The following LPP variants were observed in gnomAD, a reference collection of about 807,000 sequenced individuals.
LPP encodes the protein lipoma-preferred partner.
LPP carries 38 observed loss-of-function variants against 60.4 expected under a neutral mutation model. The observed-to-expected ratio is 0.63, with a 90% CI of 0.49 to 0.83. The LOEUF (loss-of-function observed/expected upper bound fraction) is 0.83. Among genes scored for constraint, LPP ranks in the 40% least tolerant of loss-of-function variants. The probability of loss-of-function intolerance (pLI) is 0.00; values close to 1 mark genes in which losing one functional copy is unlikely to be tolerated. For missense variants in LPP, 902 were observed against 783.6 expected (o/e 1.15, Z -1.80); for synonymous variants, 328 against 290.8 (o/e 1.13, Z -1.30).
intron 7 of LPP, among the ~76,000 whole-genome samples, chr3:188,618,253 T>C (rs1845213497): frequency 6.6e-6 from 1 of 152,246 alleles, no homozygotes; most frequent in African/African-American, 2.4e-5. Context: ...TGTTTCATCT[T>C]TGGACTTCAG....
At position 188,666,925 on chromosome 3, in the gene LPP, A is replaced by G. The variant is rs116697769; in HGVS notation, c.1114-41342A>G. On this transcript the variant is annotated intron_variant, in intron 7 of 11. Coordinates refer to ENST00000617246, the MANE Select transcript of LPP (RefSeq NM_001375462.1). ...ACCTTACCTTAGAGGAGGCCACTAT[A>G]TAGTGGATATATAATAGTGTTTGTA... 4.8e-3 allele frequency among the ~76,000 whole-genome samples: 725 copies of G among 152,334 alleles called. 3 individuals carry two copies. Among genetic ancestry groups the G allele is most frequent in the Non-Finnish European group, 7.6e-3 (516 of 68,030 alleles).
chr3:188,375,148 G>C (rs941048007), intron 3 of LPP, among the ~76,000 whole-genome samples: 2 of 152,158 alleles, frequency 1.3e-5, no homozygotes, highest in Admixed American at 6.5e-5. Context: ...TGTTCATCAA[G>C]GATATTGGTC....
chr3:188,474,897 C>T (rs971859840), intron 4 of LPP, among the ~76,000 whole-genome samples: 2 of 152,134 alleles, frequency 1.3e-5, no homozygotes, highest in African/African-American at 4.8e-5. Flanking sequence ...GGTTTGTTGT[C>T]TGGATAGCAA....
At chr3:188,320,920 A>G (rs1451292570) in intron 2 of LPP, among the ~76,000 whole-genome samples, 1 of 152,218 alleles carries the variant, frequency 6.6e-6, no homozygotes, top group Non-Finnish European at 1.5e-5. Context: ...GTGATGAATC[A>G]GTAGAAAAGG....
At position 188,509,869 on chromosome 3, in the gene LPP, T is replaced by TGTC. The variant is rs58202564; in HGVS notation, c.307-14794_307-14793insCGT. On this transcript the variant is annotated intron_variant, in intron 5 of 11. Transcript: ENST00000617246. ...CACCATGCCTGGCTAATTTTTTTTT[T>TGTC]GTTGTTTTTTTTTTTTTTTTTGCAT... is the stretch of plus-strand genomic sequence containing the variant. Among the ~76,000 whole-genome samples, 236 of 61,634 alleles carry TGTC rather than the reference T, an allele frequency of 3.8e-3. 16 individuals carry two copies. The South Asian group carries it at 0.06, about 16-fold the overall frequency. 40.4% of individuals were successfully genotyped at this position (61,634 alleles called of 152,430 possible).
At chr3:188,640,574 C>T (rs1849892782) in intron 7 of LPP, among the ~76,000 whole-genome samples, 1 of 151,128 alleles carries the variant, frequency 6.6e-6, no homozygotes, top group East Asian at 1.9e-4. Flanking sequence ...AAACAGATCC[C>T]TCATGGTATC....
At chr3:188,317,834 A>G (rs536761249) in intron 2 of LPP, among the ~76,000 whole-genome samples, 2 of 152,160 alleles carry the variant, frequency 1.3e-5, no homozygotes, top group South Asian at 2.1e-4. Flanking sequence ...GGGAGAAAAG[A>G]GAGAATCTCA....
At chr3:188,481,446 C>T (rs563236407) in intron 4 of LPP, among the ~76,000 whole-genome samples, 2 of 152,296 alleles carry the variant, frequency 1.3e-5, no homozygotes, top group Non-Finnish European at 2.9e-5. Context: ...AATATAGAAT[C>T]CATCTTTTCA....
intron 8 of LPP, chr3:188,758,818 A>C (rs1259222752): frequency 2.0e-5 from 3 of 152,262 alleles, no homozygotes; most frequent in Admixed American, 6.5e-5. Context: ...TAGACTGCTT[A>C]GGCTGGAATT....
At chr3:188,277,895 T>C (rs931256163) in intron 2 of LPP, among the ~76,000 whole-genome samples, 2 of 152,130 alleles carry the variant, frequency 1.3e-5, no homozygotes, top group Admixed American at 1.3e-4. Flanking sequence ...AAACTAGCTG[T>C]TTGGGAATGG....
intron 6 of LPP, among the ~76,000 whole-genome samples, chr3:188,564,134 GT>G (rs1265023285): frequency 2.4e-4 from 36 of 152,094 alleles, no homozygotes; most frequent in Admixed American, 2.2e-3. Context: ...AGAAACAAGT[GT>G]TTTGCATAAT....
At chr3:188,401,880 C>G (rs990343756) in intron 3 of LPP, among the ~76,000 whole-genome samples, 1 of 152,076 alleles carries the variant, frequency 6.6e-6, no homozygotes, top group Non-Finnish European at 1.5e-5. Flanking sequence ...GCAAGATTTG[C>G]CTTCAAGGAC....
At chr3:188,741,161 C>A (rs939280181) in intron 8 of LPP, among the ~76,000 whole-genome samples, 6 of 150,496 alleles carry the variant, frequency 4.0e-5, no homozygotes, top group Non-Finnish European at 8.9e-5. Flanking sequence ...TAAACTAAAA[C>A]CATGAAATTT....
At chr3:188,874,031 G>A (rs774278008) in intron 11 of LPP, among the ~76,000 whole-genome samples, 25 of 152,064 alleles carry the variant, frequency 1.6e-4, no homozygotes, top group Non-Finnish European at 2.8e-4. Context: ...TGTTGAGTGG[G>A]GGCAGCAAAC....
upstream of LPP, chr3:188,153,923 G>C (rs1226193242): frequency 6.5e-6 from 1 of 152,712 alleles, no homozygotes; most frequent in Non-Finnish European, 1.5e-5. Context: ...CAGCCCTGCC[G>C]AAGTTTCACT....
chr3:188,839,657 G>C (rs921648075), intron 9 of LPP, among the ~76,000 whole-genome samples: 1 of 151,972 alleles, frequency 6.6e-6, no homozygotes, highest in African/African-American at 2.4e-5. Context: ...GACAGATTAC[G>C]AAGTCAGGAG....
At position 188,839,581 on chromosome 3, in the gene LPP, G is replaced by A. The variant is rs796952730; in HGVS notation, c.1411-26619G>A. 2.0e-5 allele frequency among the ~76,000 whole-genome samples: 3 copies of A among 152,186 alleles called. No individual in the cohort carries two copies. In the South Asian group the frequency reaches 6.2e-4, roughly 31 times the overall value. On this transcript the variant is annotated intron_variant, in intron 9 of 11. Coordinates refer to ENST00000617246, the MANE Select transcript of LPP (RefSeq NM_001375462.1). ...CAGACAGGCCCGAGTACAAAAACCAGCCTCACTACTTAAATCTTACATAGC... is the reference window on the plus strand; with the variant it reads ...CAGACAGGCCCGAGTACAAAAACCAACCTCACTACTTAAATCTTACATAGC...
chr3:188,839,010 T>C (rs957468729), intron 9 of LPP, among the ~76,000 whole-genome samples: 5 of 152,148 alleles, frequency 3.3e-5, no homozygotes, highest in African/African-American at 1.2e-4. Context: ...CACATGTATC[T>C]CAAAAGTAAA....
At chr3:188,641,901 C>G (rs945483871) in intron 7 of LPP, among the ~76,000 whole-genome samples, 1 of 152,208 alleles carries the variant, frequency 6.6e-6, no homozygotes, top group African/African-American at 2.4e-5. Context: ...GGATTTGAAT[C>G]TGGAGGTCTT....
Sources: gnomAD v4.1 joint callset for allele counts (sites outside exome capture counted in the v4.1 genomes callset) on GRCh38, gnomAD v4.1.1 for gene constraint, MANE v1.5 for transcripts, NCBI Gene and HGNC (gene_info 2026-07-23, HGNC 2026-07-21) for gene names.